Variants in DOCK10 observed in about 807,000 individuals in gnomAD.
DOCK10 encodes dedicator of cytokinesis 10.
Under a neutral mutation model 280.1 loss-of-function variants are expected in DOCK10, and 145 were observed. That is an observed-to-expected ratio of 0.52 (90% CI 0.45 to 0.59). The LOEUF (loss-of-function observed/expected upper bound fraction) is 0.59. Ranked by LOEUF, DOCK10 falls within the 20% of genes least tolerant of loss-of-function variation. The pLI is 0.00. For missense variants in DOCK10, 2,368 were observed against 2,651.7 expected (o/e 0.89, Z 2.35); for synonymous variants, 915 against 942.2 (o/e 0.97, Z 0.53).
chr2:224,797,199 G>C, intron 42 of DOCK10, 53 bp from the exon 43 acceptor site: 1 of 1,297,732 alleles, frequency 7.7e-7, no homozygotes, highest in Non-Finnish European at 1.0e-6. Flanking sequence ...ATTTTGCTCT[G>C]TTCATTCTCA....
At chr2:225,020,907 T>A (rs1192710449) in intron 1 of DOCK10, among the ~76,000 whole-genome samples, 1 of 152,222 alleles carries the variant, frequency 6.6e-6, no homozygotes, top group Non-Finnish European at 1.5e-5. Context: ...ATATGTGACA[T>A]AGGATATTGT....
intron 3 of DOCK10, 135 bp downstream of exon 3, chr2:224,916,560 A>AAT: frequency 1.9e-6 from 1 of 525,892 alleles, no homozygotes; most frequent in East Asian, 3.6e-5. Context: ...AAAAAAAAAA[A>AAT]AAGACATCCA....
intron 14 of DOCK10, among the ~76,000 whole-genome samples, chr2:224,858,858 T>G (rs1697319912): frequency 6.6e-6 from 1 of 152,124 alleles, no homozygotes; most frequent in Admixed American, 6.5e-5. Context: ...TCGAAAACCC[T>G]TTGTGTAAGC....
intron 15 of DOCK10, among the ~76,000 whole-genome samples, chr2:224,856,631 G>C (rs1174049877): frequency 6.6e-6 from 1 of 152,172 alleles, no homozygotes; most frequent in Admixed American, 6.5e-5. Context: ...GAGGTGGTTT[G>C]TTACACAGCA....
intron 22 of DOCK10, among the ~76,000 whole-genome samples, chr2:224,844,164 T>C (rs111328650): frequency 0.022 from 3,347 of 152,290 alleles, 121 homozygotes; most frequent in African/African-American, 0.075. Flanking sequence ...CAGTTTCGCT[T>C]TTGTTGCCCA....
intron 1 of DOCK10, among the ~76,000 whole-genome samples, chr2:224,966,882 C>T (rs1704779144): frequency 6.6e-6 from 1 of 150,624 alleles, no homozygotes; most frequent in African/African-American, 2.5e-5. Flanking sequence ...CATCTAGAAG[C>T]AGGTACTCAG....
chr2:224,851,192 G>A (rs1696704993), intron 18 of DOCK10, among the ~76,000 whole-genome samples: 1 of 152,124 alleles, frequency 6.6e-6, no homozygotes, highest in Non-Finnish European at 1.5e-5. Flanking sequence ...CCCCTCTTCT[G>A]GAGTCTGACA....
At chr2:224,835,747 A>G (rs1695549993) in intron 25 of DOCK10, among the ~76,000 whole-genome samples, 1 of 152,244 alleles carries the variant, frequency 6.6e-6, no homozygotes, top group African/African-American at 2.4e-5. Context: ...GTAAAATGCG[A>G]GTTGATTACA....
rs376479188 is a variant in DOCK10, at chr2:224,798,707, CG to C, written c.4507-739del. On this transcript the variant is annotated intron_variant, in intron 41 of 55. Coordinates refer to ENST00000258390, the MANE Select transcript of DOCK10 (RefSeq NM_014689.3). ...AGTGTCGTGGCACCATCATAGCTCA[CG>C]GCAGCCTCCACTTCCAGGGCTCCAG... 6.1e-4 allele frequency among the ~76,000 whole-genome samples: 93 copies of C among 151,682 alleles called. 1 individual carries two copies. In the East Asian group the frequency reaches 0.013, roughly 21 times the overall value.
At chr2:224,768,599 C>G (rs544821021) in intron 55 of DOCK10, among the ~76,000 whole-genome samples, 7 of 152,270 alleles carry the variant, frequency 4.6e-5, no homozygotes, top group Admixed American at 2.6e-4. Flanking sequence ...TACAGCATAT[C>G]TTTGTTTTGG....
intron 1 of DOCK10, among the ~76,000 whole-genome samples, chr2:225,015,931 TA>T (rs958348845): frequency 3.9e-5 from 6 of 152,296 alleles, no homozygotes; most frequent in African/African-American, 1.4e-4. Flanking sequence ...TTACTACCTT[TA>T]AAAAAATCAG....
chr2:224,848,361 G>T (rs1049914828), intron 19 of DOCK10, among the ~76,000 whole-genome samples: 4 of 152,160 alleles, frequency 2.6e-5, no homozygotes, highest in Non-Finnish European at 5.9e-5. Context: ...TCACTTTATG[G>T]TTAGAAATTA....
chr2:224,854,969 G>C lies in DOCK10; in HGVS notation c.1882C>G (p.His628Asp). The change falls in exon 16 of 56, where the codon CAT becomes GAT. Residue 628 changes from histidine (H) to aspartate (D), a missense_variant. His to Asp is a moderately conservative substitution (Grantham distance 81). Coordinates refer to ENST00000258390, the MANE Select transcript of DOCK10 (RefSeq NM_014689.3). The part of the protein sequence containing the change: ...DIAVDNVPLE[H>D]PNCVTSSFIP... The stretch of plus-strand genomic sequence containing the variant: ...CATGACATCATCATCATACTTGGAT[G>C]CTCCAAGGGAACGTTGTCAACAGCA... 6.2e-7 allele frequency: 1 copy of C among 1,605,226 alleles called. No individual in the cohort carries two copies. Among genetic ancestry groups the C allele is most frequent in the Non-Finnish European group, 8.5e-7 (1 of 1,174,534 alleles).
At chr2:224,930,365 G>A (rs1301539633) in intron 2 of DOCK10, among the ~76,000 whole-genome samples, 5 of 152,232 alleles carry the variant, frequency 3.3e-5, no homozygotes, top group East Asian at 3.9e-4. Context: ...GTCCAACCAC[G>A]GAAATGAGAT....
In DOCK10 at chr2:225,035,625, AGTGCGGG is replaced by A. The variant is rs1559987303; in HGVS notation, c.123+6620_123+6626del. Among the ~76,000 whole-genome samples the A allele has an allele frequency of 1.3e-3, 156 of 123,226 alleles. 3 individuals carry two copies. Among genetic ancestry groups the A allele is most frequent in the African/African-American group, 5.4e-3 (149 of 27,604 alleles). The allele number at this position is 123,226 out of a possible 152,430, so 80.8% of individuals were successfully genotyped here. ...GTGTTAATTGTGTGTTGTATTAGTCAGTGCGGGCTGCCATAATAACCAAAGAATCAGT... is the reference window on the plus strand; with the variant it reads ...GTGTTAATTGTGTGTTGTATTAGTCACTGCCATAATAACCAAAGAATCAGT... On this transcript the variant is annotated intron_variant, in intron 1 of 55. Coordinates refer to ENST00000258390, the MANE Select transcript of DOCK10 (RefSeq NM_014689.3).
intron 31 of DOCK10, among the ~76,000 whole-genome samples, chr2:224,812,463 T>C (rs1159533930): frequency 1.3e-5 from 2 of 152,220 alleles, no homozygotes; most frequent in African/African-American, 4.8e-5. Flanking sequence ...CTTTTCCTAA[T>C]TGAATACCCT....
At chr2:224,943,193 A>G (rs1407875488) in intron 1 of DOCK10, among the ~76,000 whole-genome samples, 1 of 152,216 alleles carries the variant, frequency 6.6e-6, no homozygotes, top group Admixed American at 6.5e-5. Flanking sequence ...CTTTTCCTTA[A>G]GCTTTTTTCA....
intron 1 of DOCK10, among the ~76,000 whole-genome samples, chr2:225,041,813 T>C (rs573114605): frequency 1.3e-5 from 2 of 152,260 alleles, no homozygotes; most frequent in East Asian, 1.9e-4. Flanking sequence ...CTCAGCGCAC[T>C]GGTCTGTTTA....
chr2:225,018,744 T>TATATAC (rs147813107), intron 1 of DOCK10, among the ~76,000 whole-genome samples: 1 of 91,004 alleles, frequency 1.1e-5, no homozygotes, highest in Non-Finnish European at 2.4e-5. Flanking sequence ...TATATATATA[T>TATATAC]ACACATACAC....
Sources: allele counts gnomAD v4.1 joint callset (sites outside exome capture counted in the v4.1 genomes callset), GRCh38; gene constraint gnomAD v4.1.1; transcripts MANE v1.5; gene names NCBI Gene and HGNC (gene_info 2026-07-23, HGNC 2026-07-21).